The following CEP164 variants were observed in gnomAD, a reference collection of about 807,000 sequenced individuals.
CEP164 encodes centrosomal protein of 164 kDa.
A neutral mutation model predicts 182.7 loss-of-function variants in CEP164; 162 were observed. The observed-to-expected ratio is 0.89, with a 90% confidence interval of 0.78 to 1.01. The LOEUF (loss-of-function observed/expected upper bound fraction) is 1.01. Among genes scored for constraint, CEP164 ranks in the 50% least tolerant of loss-of-function variants. CEP164 has a pLI of 0.00. For missense variants in CEP164, 1,735 were observed against 1,790.4 expected (o/e 0.97, Z 0.56); for synonymous variants, 661 against 690.0 (o/e 0.96, Z 0.66).
chr11:117,408,266 C>T (rs1022394434), intron 28 of CEP164, among the ~76,000 whole-genome samples: 6 of 152,182 alleles, frequency 3.9e-5, no homozygotes, highest in Non-Finnish European at 7.3e-5. Context: ...TACCTGGAAC[C>T]TCTTGCTAAA....
chr11:117,347,268 G>A (rs1342324645), intron 4 of CEP164, among the ~76,000 whole-genome samples: 1 of 152,154 alleles, frequency 6.6e-6, no homozygotes, highest in Admixed American at 6.6e-5. Flanking sequence ...CTCTTTGTCT[G>A]TCTTCACACC....
rs144557388 is a variant in CEP164 at position 117,382,909 on chromosome 11, C to T, written c.1691C>T (p.Ala564Val). ...GCAGAGGATCCTGAGGAGAAGGTGGCGGTCAGCCCCACCCCGCCAGTCTCT... is the reference window on the plus strand; with the variant it reads ...GCAGAGGATCCTGAGGAGAAGGTGGTGGTCAGCCCCACCCCGCCAGTCTCT... ...EEAEDPEEKV[A>V]VSPTPPVSPE... Residue 564 changes from alanine (A) to valine (V), a missense_variant, in exon 14 of 33, where the codon GCG (alanine) becomes GTG (valine). Ala to Val is a moderately conservative substitution (Grantham distance 64). Coordinates refer to ENST00000278935, the MANE Select transcript of CEP164 (RefSeq NM_014956.5). 328 of 1,611,894 alleles carry T rather than the reference C, an allele frequency of 2.0e-4. No individual in the cohort carries two copies. The African/African-American group carries it at 3.4e-3, about 17-fold the overall frequency.
At chr11:117,407,830 A>T in intron 27 of CEP164, 95 bp from the exon 28 acceptor site, 1 of 789,164 alleles carries the variant, frequency 1.3e-6, no homozygotes, top group Non-Finnish European at 2.1e-6. Context: ...GACTATAGTA[A>T]TTTGTTCAAG....
upstream of CEP164, among the ~76,000 whole-genome samples, chr11:117,324,262 C>T (rs1258248197): frequency 6.6e-6 from 1 of 152,016 alleles, no homozygotes; most frequent in Non-Finnish European, 1.5e-5. Context: ...GCCTGGCCAA[C>T]ATGATGAAAG....
At chr11:117,348,208 GC>G (rs2039186570) in intron 4 of CEP164, among the ~76,000 whole-genome samples, 1 of 152,014 alleles carries the variant, frequency 6.6e-6, no homozygotes, top group Non-Finnish European at 1.5e-5. Context: ...CTAAGCTCAA[GC>G]AATTTGCCTG....
intron 13 of CEP164, 97 bp from the exon 14 acceptor site, chr11:117,382,699 T>C (rs2043474916): frequency 7.0e-7 from 1 of 1,425,434 alleles, no homozygotes; most frequent in African/African-American, 1.4e-5. Context: ...CTGTCTCTCT[T>C]GTCTCTGTCA....
In CEP164 at chr11:117,355,181, G is replaced by A. The variant is rs554204639; in HGVS notation, c.393+3193G>A. 8.5e-6 allele frequency: 11 copies of A among 1,289,738 alleles called. 1 individual carries two copies. The highest frequency in any genetic ancestry group is 1.2e-5 in the South Asian group (1 of 81,036). The allele number at this position is 1,289,738 out of a possible 1,614,324, so 79.9% of individuals were successfully genotyped here. On this transcript the variant is annotated intron_variant, in intron 5 of 32. Transcript: ENST00000278935. ...TTCCCAAATCCACCAGGTCTTTGCT[G>A]ACATGGAGAAAATCTTAGGCAGGGC...
chr11:117,356,423 G>T, intron 5 of CEP164: 1 of 1,237,714 alleles, frequency 8.1e-7, no homozygotes, highest in Non-Finnish European at 1.0e-6. Flanking sequence ...CATGGAGAGG[G>T]ACTCGAGGTT....
chr11:117,323,624 G>C (rs142326402), upstream of CEP164, among the ~76,000 whole-genome samples: 2 of 152,134 alleles, frequency 1.3e-5, no homozygotes, highest in Admixed American at 1.3e-4. Flanking sequence ...TAGTGGGATT[G>C]CTGGATTGTG....
At chr11:117,389,410 T>G (rs1281352284) in intron 15 of CEP164, among the ~76,000 whole-genome samples, 2 of 152,300 alleles carry the variant, frequency 1.3e-5, no homozygotes, top group East Asian at 3.9e-4. Flanking sequence ...CTGTTCAAAT[T>G]CAATTAATTT....
intron 11 of CEP164, among the ~76,000 whole-genome samples, chr11:117,377,840 A>ATTTCTTTC (rs1007395542): frequency 1.3e-5 from 2 of 151,980 alleles, no homozygotes; most frequent in Non-Finnish European, 2.9e-5. Flanking sequence ...GACATAATAC[A>ATTTCTTTC]TTTCTTTCTT....
rs1409415162 is a variant in CEP164 at position 117,411,378 on chromosome 11, T to C, written c.4164-417T>C. The C allele has an allele frequency of 4.1e-6, 1 of 244,696 alleles. No individual in the cohort carries two copies. Among genetic ancestry groups the C allele is most frequent in the African/African-American group, 2.2e-5 (1 of 45,364 alleles). The allele number at this position is 244,696 out of a possible 1,614,324, so 15.2% of individuals were successfully genotyped here. ...CAATTATTTAAACCTGTTATTAATT[T>C]TCCATTCATCTCATTCCTTGCCAAA... On this transcript the variant is annotated intron_variant, in intron 31 of 32. Transcript: ENST00000278935. This position sits in a 1 kb window ranked among gnomAD's most constrained non-coding sequence, Gnocchi z 4.4.
intron 11 of CEP164, among the ~76,000 whole-genome samples, 194 bp downstream of exon 11, chr11:117,375,985 A>G (rs1202236027): frequency 6.6e-6 from 1 of 152,196 alleles, no homozygotes; most frequent in African/African-American, 2.4e-5. Context: ...TATAAATTAA[A>G]GCCCTCTTCC....
In CEP164 at chr11:117,382,647, G is replaced by A. The variant is rs11216371; in HGVS notation, c.1578-149G>A. On this transcript the variant is annotated intron_variant, in intron 13 of 32. Transcript: ENST00000278935. ...AAATAATTCAGGGAGAGGAAGGGCGGGGAGAGGGAGGTCTAAGACCCGAGG... is the reference window on the plus strand; with the variant it reads ...AAATAATTCAGGGAGAGGAAGGGCGAGGAGAGGGAGGTCTAAGACCCGAGG... 2,794 of 810,220 alleles carry A rather than the reference G, an allele frequency of 3.4e-3. 11 individuals carry two copies. Among genetic ancestry groups the A allele is most frequent in the Middle Eastern group, 0.019 (60 of 3,202 alleles). The allele number at this position is 810,220 out of a possible 1,614,324, so 50.2% of individuals were successfully genotyped here.
intron 5 of CEP164, chr11:117,355,497 G>A (rs1258918742): frequency 1.2e-5 from 15 of 1,289,164 alleles, no homozygotes; most frequent in South Asian, 6.2e-5. Flanking sequence ...GCCAAACTGA[G>A]CCCCACTGGC....
At chr11:117,354,550 AC>A (rs1027200843) in intron 5 of CEP164, among the ~76,000 whole-genome samples, 2 of 151,948 alleles carry the variant, frequency 1.3e-5, no homozygotes, top group African/African-American at 4.8e-5. Context: ...ACAATATAGT[AC>A]CCCGAGGTAC....
In CEP164 at chr11:117,338,641, G is replaced by C. The variant is rs759766267; in HGVS notation, c.55G>C (p.Asp19His). 2 of 1,614,056 alleles carry C rather than the reference G, an allele frequency of 1.2e-6. No individual in the cohort carries two copies. The highest frequency in any genetic ancestry group is 3.3e-5 in the Admixed American group (2 of 60,022). Residue 19 changes from aspartate to histidine, a missense_variant, in exon 3 of 33, where the codon GAT becomes CAT. Asp to His is a moderately conservative substitution (Grantham distance 81). Transcript: ENST00000278935. ...TCAGCTGGTTCTGGAAGAAGATTATGATGAGACCTACATTCCTAGTGAGCA... is the reference window on the plus strand; with the variant it reads ...TCAGCTGGTTCTGGAAGAAGATTATCATGAGACCTACATTCCTAGTGAGCA... ...GDQLVLEEDY[D>H]ETYIPSEQEI...
At chr11:117,321,870 G>GGGT (rs1555071409) in intron 1 of CEP164, among the ~76,000 whole-genome samples, 1 of 150,144 alleles carries the variant, frequency 6.7e-6, no homozygotes, top group Non-Finnish European at 1.5e-5. Context: ...AAATTTTTGG[G>GGGT]TTTTTTTTTA....
intron 27 of CEP164, among the ~76,000 whole-genome samples, chr11:117,402,041 T>C (rs1184256983): frequency 6.6e-6 from 1 of 152,152 alleles, no homozygotes; most frequent in Non-Finnish European, 1.5e-5. Context: ...TTCTTGCTTC[T>C]CTACTTCTTT....
Sources: allele counts gnomAD v4.1 joint callset (sites outside exome capture counted in the v4.1 genomes callset), GRCh38; gene constraint gnomAD v4.1.1; non-coding constraint Gnocchi (gnomAD v3.1); transcripts MANE v1.5; gene names NCBI Gene and HGNC (gene_info 2026-07-23, HGNC 2026-07-21).